Variants in EYA4 observed in about 807,000 individuals in gnomAD.
The protein encoded by EYA4 is protein phosphatase EYA4.
A neutral mutation model predicts 87.9 loss-of-function variants in EYA4; 31 were observed. That is an observed-to-expected ratio of 0.35 (90% CI 0.27 to 0.48). The LOEUF is 0.48. Ranked by LOEUF, EYA4 falls within the 20% of genes least tolerant of loss-of-function variation. The pLI, the probability that EYA4 is intolerant of heterozygous loss-of-function variation, is 0.99. For synonymous variants in EYA4, 263 were observed against 270.6 expected (o/e 0.97, Z 0.28); for missense variants, 678 against 761.4 (o/e 0.89, Z 1.29).
chr6:133,386,762 A>G (rs1382398775), intron 3 of EYA4, among the ~76,000 whole-genome samples: 2 of 152,218 alleles, frequency 1.3e-5, no homozygotes, highest in Non-Finnish European at 2.9e-5. Context: ...TCCTGGCCAC[A>G]GTGTCACCAG....
chr6:133,426,591 C>T (rs1790693177), intron 3 of EYA4, among the ~76,000 whole-genome samples: 2 of 152,136 alleles, frequency 1.3e-5, no homozygotes, highest in Non-Finnish European at 2.9e-5. Context: ...ATGTTATTTC[C>T]CCATTAGATT....
chr6:133,530,042 GATA>G lies in EYA4; in HGVS notation c.*1241_*1243del. The G allele has an allele frequency of 1.0e-6, 1 of 985,170 alleles. No homozygotes were observed. The highest frequency in any genetic ancestry group is 4.7e-5 in the South Asian group (1 of 21,278). 61.0% of individuals were successfully genotyped at this position (985,170 alleles called of 1,614,324 possible). ...TTATTCCCAATGCCATGGCAAAAAT[GATA>G]ATATCATCAGAAATGGAAGGCAGTT... On this transcript the variant is annotated 3_prime_UTR_variant, in exon 20 of 20. Transcript: ENST00000355286.
In EYA4 at chr6:133,253,676, T is replaced by A. The variant is rs1480935917; in HGVS notation, c.-66+11927T>A. Among the ~76,000 whole-genome samples, 21 of 152,030 alleles carry A rather than the reference T, an allele frequency of 1.4e-4. 1 individual carries two copies. Among genetic ancestry groups the A allele is most frequent in the Admixed American group, 1.4e-3 (21 of 15,252 alleles). On this transcript the variant is annotated intron_variant, in intron 1 of 19. Transcript: ENST00000355286. ...AATAATAATAATAATAATAATCTACTCATCTTTCAAGGCTTAGCTCAAATG... is the reference window on the plus strand; with the variant it reads ...AATAATAATAATAATAATAATCTACACATCTTTCAAGGCTTAGCTCAAATG...
At chr6:133,446,322 A>T (rs2128622108) in intron 3 of EYA4, among the ~76,000 whole-genome samples, 1 of 152,288 alleles carries the variant, frequency 6.6e-6, no homozygotes, top group Non-Finnish European at 1.5e-5. Context: ...GTCAGTGATA[A>T]CATGTTTATT....
chr6:133,504,497 GTAT>G (rs1798419704), intron 13 of EYA4, among the ~76,000 whole-genome samples: 1 of 152,138 alleles, frequency 6.6e-6, no homozygotes, highest in Non-Finnish European at 1.5e-5. Flanking sequence ...GAAATCCAGC[GTAT>G]TATTATCTTG....
intron 3 of EYA4, among the ~76,000 whole-genome samples, chr6:133,436,603 G>A (rs754404296): frequency 6.6e-5 from 10 of 152,156 alleles, no homozygotes; most frequent in Non-Finnish European, 1.3e-4. Flanking sequence ...TACTTTTCAG[G>A]TAAGGAGAAT....
intron 1 of EYA4, among the ~76,000 whole-genome samples, chr6:133,261,741 G>A (rs560368715): frequency 3.3e-5 from 5 of 152,296 alleles, no homozygotes; most frequent in African/African-American, 1.2e-4. Context: ...CTACTCTACT[G>A]TACAGCAAAG....
intron 1 of EYA4, among the ~76,000 whole-genome samples, chr6:133,262,141 T>A (rs1314170288): frequency 1.3e-5 from 2 of 152,212 alleles, no homozygotes; most frequent in Non-Finnish European, 2.9e-5. Context: ...TGCAACACAT[T>A]TTCCTCAGGA....
At chr6:133,446,585 A>G (rs1683925610) in intron 3 of EYA4, 45 bp from the exon 4 acceptor site, 1 of 1,611,508 alleles carries the variant, frequency 6.2e-7, no homozygotes, top group Non-Finnish European at 8.5e-7. Context: ...TTAAAAAATA[A>G]CTGCTGCAAT....
At chr6:133,317,295 A>T (rs1384527172) in intron 2 of EYA4, among the ~76,000 whole-genome samples, 1 of 152,338 alleles carries the variant, frequency 6.6e-6, no homozygotes, top group East Asian at 1.9e-4. Context: ...TCTCAAGTTC[A>T]TTTGAGAACA....
chr6:133,433,562 G>T (rs943470759), intron 3 of EYA4, among the ~76,000 whole-genome samples: 2 of 152,304 alleles, frequency 1.3e-5, no homozygotes, highest in South Asian at 2.1e-4. Flanking sequence ...CACCATGTTG[G>T]CCAGGATGGT....
chr6:133,387,268 A>G (rs1313910869), intron 3 of EYA4, among the ~76,000 whole-genome samples: 1 of 152,244 alleles, frequency 6.6e-6, no homozygotes, highest in Non-Finnish European at 1.5e-5. Flanking sequence ...GAAGACTGAA[A>G]TGTTTATCTG....
chr6:133,293,887 G>A (rs988047509), intron 2 of EYA4, among the ~76,000 whole-genome samples: 8 of 151,036 alleles, frequency 5.3e-5, no homozygotes, highest in African/African-American at 1.9e-4. Flanking sequence ...TGGAAGTGGA[G>A]GCTGTGGTGA....
rs2128436317 is a variant in EYA4, at chr6:133,356,083, AG to A, written c.34-26308del. 2.0e-5 allele frequency among the ~76,000 whole-genome samples: 3 copies of A among 152,030 alleles called. No individual in the cohort carries two copies. The East Asian group carries it at 5.8e-4, about 29-fold the overall frequency. ...AGAGAGAGAGAGAGAGAGAGAGAAA[AG>A]AGTGTGCTCCTGCTTGCTATCTGGT... On this transcript the variant is annotated intron_variant, in intron 2 of 19. Transcript: ENST00000355286.
chr6:133,294,722 C>T (rs1465998002), intron 2 of EYA4, among the ~76,000 whole-genome samples: 3 of 152,012 alleles, frequency 2.0e-5, no homozygotes, highest in East Asian at 1.9e-4. Flanking sequence ...CATGAACCAC[C>T]ATGCGTGGCT....
At chr6:133,402,315 C>G (rs921287054) in intron 3 of EYA4, among the ~76,000 whole-genome samples, 5 of 152,092 alleles carry the variant, frequency 3.3e-5, no homozygotes, top group African/African-American at 1.2e-4. Flanking sequence ...GAGGGAAAAC[C>G]ACTTTGGTAC....
At chr6:133,522,639 A>T (rs1198681667) in intron 17 of EYA4, among the ~76,000 whole-genome samples, 1 of 152,168 alleles carries the variant, frequency 6.6e-6, no homozygotes, top group Admixed American at 6.5e-5. Context: ...TGTTACAAGT[A>T]TATACAGTGT....
intron 19 of EYA4, among the ~76,000 whole-genome samples, chr6:133,525,570 T>C (rs1231894852): frequency 6.6e-6 from 1 of 152,160 alleles, no homozygotes; most frequent in Non-Finnish European, 1.5e-5. Context: ...TATAGATGCA[T>C]ATGTATATAT....
At chr6:133,424,074 C>A (rs1265672950) in intron 3 of EYA4, among the ~76,000 whole-genome samples, 1 of 152,206 alleles carries the variant, frequency 6.6e-6, no homozygotes, top group Non-Finnish European at 1.5e-5. Flanking sequence ...CCTGTCTCTG[C>A]AGCTGGTTGT....
Sources: gnomAD v4.1 joint callset for allele counts (sites outside exome capture counted in the v4.1 genomes callset) on GRCh38, gnomAD v4.1.1 for gene constraint, MANE v1.5 for transcripts, NCBI Gene and HGNC (gene_info 2026-07-23, HGNC 2026-07-21) for gene names.